ITGA2: variants seen among roughly 807,000 people sequenced by gnomAD.
The protein encoded by ITGA2 is integrin alpha-2.
A neutral mutation model predicts 146.3 loss-of-function variants in ITGA2; 101 were observed. That is an observed-to-expected ratio of 0.69 (90% CI 0.59 to 0.81). The LOEUF is 0.81. Among genes scored for constraint, ITGA2 ranks in the 40% least tolerant of loss-of-function variants. ITGA2 has a pLI of 0.00. For missense variants in ITGA2, 1,281 were observed against 1,402.7 expected (o/e 0.91, Z 1.39); for synonymous variants, 477 against 487.1 (o/e 0.98, Z 0.27).
At chr5:53,064,380 TG>T (rs1015517826) in intron 13 of ITGA2, among the ~76,000 whole-genome samples, 2 of 151,988 alleles carry the variant, frequency 1.3e-5, no homozygotes, top group African/African-American at 4.8e-5. Flanking sequence ...TTATCTCCTT[TG>T]ACCTTGGTTT....
Position 52,991,025 on chromosome 5 carries a change from A to G in ITGA2, c.64+1493A>G, listed in dbSNP as rs41305894. Among the ~76,000 whole-genome samples the G allele has an allele frequency of 7.1e-3, 1,077 of 152,304 alleles. 4 individuals are homozygous for G. Among genetic ancestry groups the G allele is most frequent in the Non-Finnish European group, 0.012 (796 of 68,020 alleles). ...TATCTTTGAAATGTTGAGGCTTGTT[A>G]TGTAAAGAGCAGTGAGAAATTCTTT... On this transcript the variant is annotated intron_variant, in intron 1 of 29. Coordinates refer to ENST00000296585, the MANE Select transcript of ITGA2 (RefSeq NM_002203.4).
intron 1 of ITGA2, among the ~76,000 whole-genome samples, chr5:52,997,245 G>T (rs959003101): frequency 3.9e-5 from 6 of 152,064 alleles, no homozygotes; most frequent in Non-Finnish European, 8.8e-5. Context: ...TGCCCAAATA[G>T]GTAACAGAAA....
chr5:53,029,332 C>T (rs1237817098), intron 2 of ITGA2, among the ~76,000 whole-genome samples: 2 of 152,120 alleles, frequency 1.3e-5, no homozygotes, highest in Non-Finnish European at 2.9e-5. Context: ...GGATGCTCTG[C>T]GATTGGGTGT....
intron 1 of ITGA2, among the ~76,000 whole-genome samples, chr5:53,021,428 C>T (rs543766557): frequency 6.6e-6 from 1 of 152,200 alleles, no homozygotes; most frequent in East Asian, 1.9e-4. Flanking sequence ...CTTACACACA[C>T]AGAGAGCCTA....
chr5:53,059,239 A>G lies in ITGA2; in HGVS notation c.1174-635A>G, dbSNP rs185110582. ...TTTGCCCTCCCCACAGGGCTGACAA[A>G]TGGTTATTTTCCTTCCAATAGATTG... On this transcript the variant is annotated intron_variant, in intron 10 of 29. Coordinates refer to ENST00000296585, the MANE Select transcript of ITGA2 (RefSeq NM_002203.4). 2.6e-3 allele frequency among the ~76,000 whole-genome samples: 389 copies of G among 152,050 alleles called. 4 individuals carry two copies. Among genetic ancestry groups the G allele is most frequent in the African/African-American group, 9.0e-3 (374 of 41,510 alleles).
chr5:53,085,047 T>C (rs1304641699), intron 27 of ITGA2, among the ~76,000 whole-genome samples: 1 of 152,228 alleles, frequency 6.6e-6, no homozygotes, highest in Non-Finnish European at 1.5e-5. Flanking sequence ...ACAAGGATTG[T>C]GTCAAGTCCT....
intron 2 of ITGA2, among the ~76,000 whole-genome samples, chr5:53,036,756 C>CT (rs75190928): frequency 0.079 from 12,021 of 152,008 alleles, 641 homozygotes; most frequent in East Asian, 0.17. Context: ...AGGCTAGAAA[C>CT]TTTTTTACTG....
chr5:53,002,610 AG>A (rs1473925848), intron 1 of ITGA2, among the ~76,000 whole-genome samples: 1 of 152,122 alleles, frequency 6.6e-6, no homozygotes, highest in Non-Finnish European at 1.5e-5. Flanking sequence ...TTGGATATTT[AG>A]GTTGTTTCCT....
chr5:53,021,394 G>T (rs953543613), intron 1 of ITGA2, among the ~76,000 whole-genome samples: 3 of 152,164 alleles, frequency 2.0e-5, no homozygotes, highest in African/African-American at 4.8e-5. Flanking sequence ...TAGCAAAATA[G>T]AATTTCTGTG....
chr5:53,046,229 TAGAC>T (rs1431602414), intron 4 of ITGA2, among the ~76,000 whole-genome samples: 5 of 150,992 alleles, frequency 3.3e-5, no homozygotes, highest in East Asian at 2.0e-4. Context: ...AAAAAAGTCT[TAGAC>T]AGCATAATTC....
chr5:53,007,401 G>T (rs951894806), intron 1 of ITGA2, among the ~76,000 whole-genome samples: 1 of 151,878 alleles, frequency 6.6e-6, no homozygotes, highest in African/African-American at 2.4e-5. Flanking sequence ...TCCATATATT[G>T]CCTCAAGATA....
Position 53,075,145 on chromosome 5 carries a change from A to G in ITGA2, c.2741+8A>G, listed in dbSNP as rs759616432. On this transcript the variant is annotated splice_region_variant and intron_variant, in intron 22 of 29. Transcript: ENST00000296585. Reference sequence around the variant, plus strand: ...CAGTTTCCAAGCCTTAAGGTAAAACATAATGAAGTCATGAATGGAATGATG... The same window carrying G: ...CAGTTTCCAAGCCTTAAGGTAAAACGTAATGAAGTCATGAATGGAATGATG... The G allele has an allele frequency of 3.0e-5, 48 of 1,609,388 alleles. No individual in the cohort carries two copies. Among genetic ancestry groups the G allele is most frequent in the Non-Finnish European group, 3.7e-5 (44 of 1,176,358 alleles).
At chr5:53,029,995 C>A (rs1361668947) in intron 2 of ITGA2, among the ~76,000 whole-genome samples, 1 of 152,172 alleles carries the variant, frequency 6.6e-6, no homozygotes, top group Non-Finnish European at 1.5e-5. Flanking sequence ...CTTTCCTGGA[C>A]AGAGTAAATC....
rs3212542 is a variant in ITGA2, at chr5:53,061,812, G to T, written c.1458+766G>T. 4.1e-3 allele frequency among the ~76,000 whole-genome samples: 622 copies of T among 151,964 alleles called. 4 individuals are homozygous for T. Among genetic ancestry groups the T allele is most frequent in the African/African-American group, 0.014 (587 of 41,496 alleles). Reference sequence around the variant, plus strand: ...TCTTTAAGCTGGAGAAACTTACAAAGATTTCTCTTCTCTGAGATTAAGTGT... The same window carrying T: ...TCTTTAAGCTGGAGAAACTTACAAATATTTCTCTTCTCTGAGATTAAGTGT... On this transcript the variant is annotated intron_variant, in intron 12 of 29. Transcript: ENST00000296585.
At chr5:53,051,297 C>A (rs1744348395) in intron 6 of ITGA2, 114 bp from the exon 7 acceptor site, 2 of 1,055,040 alleles carry the variant, frequency 1.9e-6, no homozygotes, top group Non-Finnish European at 1.4e-6. Flanking sequence ...GGAAGTGATG[C>A]CTTAAAGCTA....
intron 14 of ITGA2, 128 bp downstream of exon 14, chr5:53,065,243 A>G (rs1745093349): frequency 4.3e-6 from 4 of 940,478 alleles, no homozygotes; most frequent in African/African-American, 1.6e-5. Flanking sequence ...CTCAGCAAAT[A>G]TAAAGTGAGC....
intron 23 of ITGA2, 45 bp from the exon 24 acceptor site, chr5:53,078,727 C>A: frequency 1.8e-6 from 2 of 1,135,164 alleles, no homozygotes; most frequent in Non-Finnish European, 2.7e-6. Flanking sequence ...CCTTCAAGAA[C>A]AAAAGCAAAC....
chr5:53,026,814 C>T lies in ITGA2; in HGVS notation c.131C>T (p.Ser44Leu). 6.2e-7 allele frequency: 1 copy of T among 1,613,422 alleles called. No homozygotes were observed. The highest frequency in any genetic ancestry group is 1.3e-5 in the African/African-American group (1 of 75,018). ...GAAGCAAAAATATTTTCCGGTCCTT[C>T]AAGTGAACAGTTTGGCTATGCAGTG... ...LPEAKIFSGPSSEQFGYAVQQ... is the reference protein window; with the variant it reads ...LPEAKIFSGPLSEQFGYAVQQ... Residue 44 changes from serine (S) to leucine (L), a missense_variant, in exon 2 of 30, where the codon TCA becomes TTA. Coordinates refer to ENST00000296585, the MANE Select transcript of ITGA2 (RefSeq NM_002203.4).
At position 53,090,531 on chromosome 5, in the gene ITGA2, A is replaced by G; in HGVS notation, c.3478A>G (p.Lys1160Glu). Residue 1160 changes from lysine to glutamate, a missense_variant, in exon 30 of 30, where the codon AAA becomes GAA. Lys to Glu is a moderately conservative substitution (Grantham distance 56). Transcript: ENST00000296585. ...ATCACCTTTACAGCTCGGCTTCTTC[A>G]AAAGAAAATATGAAAAGATGACCAA... ...VAILWKLGFF[K>E]RKYEKMTKNP... is the part of the protein sequence containing the mutation. The G allele has an allele frequency of 6.2e-7, 1 of 1,614,048 alleles. No homozygotes were observed. The highest frequency in any genetic ancestry group is 8.5e-7 in the Non-Finnish European group (1 of 1,179,940).
Sources: allele counts gnomAD v4.1 joint callset (sites outside exome capture counted in the v4.1 genomes callset), GRCh38; gene constraint gnomAD v4.1.1; transcripts MANE v1.5; gene names NCBI Gene and HGNC (gene_info 2026-07-23, HGNC 2026-07-21).